CPT1A: variants seen among roughly 807,000 people sequenced by gnomAD.
The protein encoded by CPT1A is carnitine O-palmitoyltransferase 1, liver isoform.
CPT1A carries 64 observed loss-of-function variants against 100.8 expected under a neutral mutation model. The ratio of observed to expected loss-of-function variants is 0.63; its 90% confidence interval spans 0.52 to 0.78. The LOEUF is 0.78. Among genes scored for constraint, CPT1A ranks in the 30% least tolerant of loss-of-function variants. CPT1A has a pLI of 0.00. For missense variants in CPT1A, 802 were observed against 1,034.1 expected (o/e 0.78, Z 3.08); for synonymous variants, 363 against 396.0 (o/e 0.92, Z 0.99).
chr11:68,838,168 C>T (rs1238982495), intron 1 of CPT1A, among the ~76,000 whole-genome samples: 1 of 152,076 alleles, frequency 6.6e-6, no homozygotes, highest in Admixed American at 6.6e-5. Flanking sequence ...TGACGGTGAC[C>T]CTCCTGCACA....
chr11:68,779,522 G>T (rs1343011704), intron 12 of CPT1A, among the ~76,000 whole-genome samples: 2 of 149,006 alleles, frequency 1.3e-5, no homozygotes, highest in Non-Finnish European at 3.0e-5. Context: ...AAGGCTGAGT[G>T]TGGTGGCTCC....
At chr11:68,772,358 A>C (rs1855013934) in intron 14 of CPT1A, among the ~76,000 whole-genome samples, 1 of 152,184 alleles carries the variant, frequency 6.6e-6, no homozygotes, top group South Asian at 2.1e-4. Context: ...TGTCTCAAAA[A>C]AAAAGTTGGG....
rs1857108167 is a variant in CPT1A, at chr11:68,839,481, G to A, written c.-14+2294C>T. 4.1e-6 allele frequency: 4 copies of A among 984,074 alleles called. No homozygotes were observed. The African/African-American group carries it at 7.0e-5, about 17-fold the overall frequency. 61.0% of individuals were successfully genotyped at this position (984,074 alleles called of 1,614,324 possible). A position where few individuals can be genotyped will look rare whatever the true frequency, so the allele number is the denominator to read the frequency against. On this transcript the variant is annotated intron_variant, in intron 1 of 18. Coordinates refer to ENST00000265641, the MANE Select transcript of CPT1A (RefSeq NM_001876.4). ...TCCTGTTCCACCCGCCGTGCCCACAGAGACCTTCCGGAGCGAGTTGGCGCG... is the reference window on the plus strand; with the variant it reads ...TCCTGTTCCACCCGCCGTGCCCACAAAGACCTTCCGGAGCGAGTTGGCGCG...
rs1857147304 is a variant in CPT1A, at chr11:68,841,037, GA to G, written c.-14+737del. ...CTCATCCTGCTCACGGCAGCGCTCG[GA>G]CCGCGCCTGGAGTCCCTGCGCCAAG... On this transcript the variant is annotated intron_variant, in intron 1 of 18. Transcript: ENST00000265641. This position sits in a 1 kb window ranked among gnomAD's most constrained non-coding sequence, Gnocchi z 6.3. 6.6e-6 allele frequency among the ~76,000 whole-genome samples: 1 copy of G among 152,234 alleles called. No individual in the cohort carries two copies. Among genetic ancestry groups the G allele is most frequent in the African/African-American group, 2.4e-5 (1 of 41,460 alleles).
chr11:68,791,710 A>G (rs112401655), intron 9 of CPT1A, among the ~76,000 whole-genome samples: 6,758 of 151,950 alleles, frequency 0.044, 495 homozygotes, highest in African/African-American at 0.15. Context: ...CTAATTTTGT[A>G]TTTTTAGTAG....
In CPT1A at chr11:68,799,360, G is replaced by C. The variant is rs765078454; in HGVS notation, c.556-5C>G. The C allele has an allele frequency of 1.2e-6, 2 of 1,613,138 alleles. No homozygotes were observed. The highest frequency in any genetic ancestry group is 1.3e-5 in the African/African-American group (1 of 74,702). On this transcript the variant is annotated splice_polypyrimidine_tract_variant and splice_region_variant and intron_variant, in intron 5 of 18. Coordinates refer to ENST00000265641, the MANE Select transcript of CPT1A (RefSeq NM_001876.4). ...AGGCCTCACCGACTGTAGATACTGG[G>C]ATTATTGGGGGAAAAAAAAATCACC...
rs543772066 is a variant in CPT1A, at chr11:68,794,757, G to A, written c.879+47C>T. 8.2e-6 allele frequency: 12 copies of A among 1,455,120 alleles called. 1 individual carries two copies. In the South Asian group the frequency reaches 1.3e-4, roughly 15 times the overall value. 90.1% of individuals were successfully genotyped at this position (1,455,120 alleles called of 1,614,324 possible). On this transcript the variant is annotated intron_variant, in intron 8 of 18. Coordinates refer to ENST00000265641, the MANE Select transcript of CPT1A (RefSeq NM_001876.4). ...TGTGCAATATGTCAATTATACCTCT[G>A]TAAAGCTGTTTGAAAATAATTTTTT...
At chr11:68,790,282 G>C (rs1361051867) in intron 9 of CPT1A, among the ~76,000 whole-genome samples, 4 of 152,076 alleles carry the variant, frequency 2.6e-5, no homozygotes, top group Admixed American at 2.6e-4. Flanking sequence ...TGTTGCCCAG[G>C]CTGCTCTCAA....
chr11:68,813,108 G>A (rs1490276189), intron 2 of CPT1A, among the ~76,000 whole-genome samples: 1 of 151,164 alleles, frequency 6.6e-6, no homozygotes, highest in Non-Finnish European at 1.5e-5. Context: ...GTTGAAACAA[G>A]GAAGGGAATG....
intron 1 of CPT1A, among the ~76,000 whole-genome samples, chr11:68,832,451 AAAAC>A (rs369599152): frequency 1.6e-3 from 250 of 152,052 alleles, no homozygotes; most frequent in African/African-American, 2.7e-3. Flanking sequence ...CTCTGTCTCA[AAAAC>A]AAACAAACAA....
At chr11:68,809,260 T>A (rs1856130817) in intron 3 of CPT1A, among the ~76,000 whole-genome samples, 1 of 152,116 alleles carries the variant, frequency 6.6e-6, no homozygotes, top group South Asian at 2.1e-4. Context: ...TTTTAGATAA[T>A]CTACATTTTA....
chr11:68,842,849 GT>G (rs1857187729), upstream of CPT1A, among the ~76,000 whole-genome samples: 1 of 152,138 alleles, frequency 6.6e-6, no homozygotes. Context: ...GGCCAAGGGG[GT>G]CTTCCTGACC....
chr11:68,761,445 G>C lies in CPT1A; in HGVS notation c.2028+90C>G, dbSNP rs2153994968. 5.5e-6 allele frequency: 8 copies of C among 1,451,288 alleles called. No homozygotes were observed. In the East Asian group the frequency reaches 1.8e-4, roughly 33 times the overall value. 89.9% of individuals were successfully genotyped at this position (1,451,288 alleles called of 1,614,324 possible). On this transcript the variant is annotated intron_variant, in intron 16 of 18. Coordinates refer to ENST00000265641, the MANE Select transcript of CPT1A (RefSeq NM_001876.4). ...CCCGTTTTTTTCAAATGCCCATTCTGACATTAAAATATGTTCATGCAAGGC... is the reference window on the plus strand; with the variant it reads ...CCCGTTTTTTTCAAATGCCCATTCTCACATTAAAATATGTTCATGCAAGGC...
At chr11:68,830,913 C>T (rs1328184253) in intron 1 of CPT1A, among the ~76,000 whole-genome samples, 2 of 152,220 alleles carry the variant, frequency 1.3e-5, no homozygotes, top group African/African-American at 2.4e-5. Flanking sequence ...ATACACTTCT[C>T]AAGGACATGA....
At chr11:68,764,920 G>A (rs3019596) in intron 14 of CPT1A, among the ~76,000 whole-genome samples, 138,146 of 152,294 alleles carry the variant, frequency 0.91, 63,006 homozygotes, top group Non-Finnish European at 0.95. Context: ...TCCCCCCAAC[G>A]TAGCTGGCCG....
At chr11:68,792,550 C>A (rs1442140448) in intron 9 of CPT1A, among the ~76,000 whole-genome samples, 1 of 152,210 alleles carries the variant, frequency 6.6e-6, no homozygotes, top group African/African-American at 2.4e-5. Flanking sequence ...CTGGATGTTC[C>A]CCACGGTGCC....
intron 2 of CPT1A, among the ~76,000 whole-genome samples, chr11:68,813,029 C>A (rs974937426): frequency 1.3e-5 from 2 of 149,294 alleles, no homozygotes; most frequent in South Asian, 4.2e-4. Flanking sequence ...CACCCCATGT[C>A]GAGAATTTGC....
At chr11:68,792,266 G>A (rs1447249759) in intron 9 of CPT1A, among the ~76,000 whole-genome samples, 1 of 152,104 alleles carries the variant, frequency 6.6e-6, no homozygotes. Flanking sequence ...GAACTCGGGA[G>A]GTGGAGGTTG....
intron 5 of CPT1A, among the ~76,000 whole-genome samples, chr11:68,800,345 C>T (rs868540191): frequency 3.9e-4 from 60 of 152,188 alleles, no homozygotes; most frequent in Middle Eastern, 6.8e-3. Flanking sequence ...CAAGCTCTTA[C>T]AGAAAGTAAC....
Sources: allele counts gnomAD v4.1 joint callset (sites outside exome capture counted in the v4.1 genomes callset), GRCh38; gene constraint gnomAD v4.1.1; non-coding constraint Gnocchi (gnomAD v3.1); transcripts MANE v1.5; gene names NCBI Gene and HGNC (gene_info 2026-07-23, HGNC 2026-07-21).